Variants in RARB observed in about 807,000 individuals in gnomAD.
The protein encoded by RARB is HBV-activated protein.
In RARB, 17 loss-of-function variants were observed where a neutral mutation model predicts 51.9. That is an observed-to-expected ratio of 0.33 (90% CI 0.22 to 0.49). RARB has a LOEUF of 0.49. RARB is among the 20% of genes least tolerant of loss of function. The pLI is 0.99. For missense variants in RARB, 369 were observed against 550.8 expected, an observed-to-expected ratio of 0.67 and a Z score of 3.30; for synonymous variants, 215 against 195.4, an observed-to-expected ratio of 1.10 and a Z score of -0.84.
chr3:24,986,822 G>A (rs1345372531), intron 2 of RARB, among the ~76,000 whole-genome samples: 1 of 152,040 alleles, frequency 6.6e-6, no homozygotes, highest in Non-Finnish European at 1.5e-5. Context: ...TGATTGCTGT[G>A]CGGTGAACTC....
chr3:25,025,030 T>C (rs567414059), intron 2 of RARB: 2 of 149,454 alleles, frequency 1.3e-5, no homozygotes, highest in South Asian at 2.1e-4. Flanking sequence ...CCCTGAACAC[T>C]CTCAATCTCA....
At chr3:25,518,644 T>C (rs1698277740) in intron 3 of RARB, among the ~76,000 whole-genome samples, 1 of 151,976 alleles carries the variant, frequency 6.6e-6, no homozygotes, top group African/African-American at 2.4e-5. Context: ...AAAACAAGAG[T>C]TGACTCTCCT....
At chr3:24,832,703 A>T (rs75494136) in intron 1 of RARB, among the ~76,000 whole-genome samples, 5,409 of 147,868 alleles carry the variant, frequency 0.037, 189 homozygotes, top group East Asian at 0.12. Flanking sequence ...ATGTGGGAAA[A>T]TAAATGCAAT....
At chr3:24,896,510 C>T (rs1355783434) in intron 2 of RARB, among the ~76,000 whole-genome samples, 3 of 152,210 alleles carry the variant, frequency 2.0e-5, no homozygotes, top group Non-Finnish European at 2.9e-5. Flanking sequence ...CCGCCCGCCT[C>T]GGCCTCCCAA....
chr3:25,487,796 G>A (rs1299408), intron 2 of RARB, among the ~76,000 whole-genome samples: 42,793 of 151,944 alleles, frequency 0.28, 6,186 homozygotes, highest in East Asian at 0.43. Context: ...GTGCTTTCAC[G>A]GGGTCTATTC....
chr3:24,985,248 G>T (rs889114718), intron 2 of RARB, among the ~76,000 whole-genome samples: 1 of 152,102 alleles, frequency 6.6e-6, no homozygotes, highest in Non-Finnish European at 1.5e-5. Context: ...GAAATGGAAT[G>T]GGGCATTGAG....
chr3:25,586,325 G>C (rs1329892854), intron 5 of RARB, among the ~76,000 whole-genome samples: 1 of 152,088 alleles, frequency 6.6e-6, no homozygotes, highest in Non-Finnish European at 1.5e-5. Flanking sequence ...CGTAATGACA[G>C]GTGCATTTCC....
chr3:25,439,265 G>A (rs1424758838), intron 1 of RARB, among the ~76,000 whole-genome samples: 1 of 152,146 alleles, frequency 6.6e-6, no homozygotes, highest in Non-Finnish European at 1.5e-5. Flanking sequence ...ATGTTTATTT[G>A]CTAGGTATTT....
In RARB at chr3:24,942,819, G is replaced by A. The variant is rs573875309; in HGVS notation, c.-380+84067G>A. 2.0e-5 allele frequency among the ~76,000 whole-genome samples: 3 copies of A among 152,166 alleles called. No homozygotes were observed. The South Asian group carries it at 6.2e-4, about 32-fold the overall frequency. ...TCACTTTTTTTCTCTATTAACTTATGGATTCAATATCTGAATTCATAAGAT... is the reference window on the plus strand; with the variant it reads ...TCACTTTTTTTCTCTATTAACTTATAGATTCAATATCTGAATTCATAAGAT... On this transcript the variant is annotated intron_variant, in intron 2 of 11. Coordinates refer to the RARB transcript ENST00000383772.
intron 5 of RARB, among the ~76,000 whole-genome samples, chr3:25,406,042 T>C (rs187591319): frequency 6.6e-6 from 1 of 152,334 alleles, no homozygotes; most frequent in East Asian, 1.9e-4. Context: ...TCCCATCTCC[T>C]AACCATAAGA....
At chr3:25,166,670 A>G (rs549568093) in intron 4 of RARB, among the ~76,000 whole-genome samples, 3 of 152,254 alleles carry the variant, frequency 2.0e-5, no homozygotes, top group African/African-American at 7.2e-5. Context: ...GAGGAAATGG[A>G]TACGTTTTCT....
At chr3:25,281,297 G>T (rs1217455454) in intron 5 of RARB, among the ~76,000 whole-genome samples, 2 of 152,182 alleles carry the variant, frequency 1.3e-5, no homozygotes, top group Non-Finnish European at 2.9e-5. Flanking sequence ...CCTACACCTT[G>T]CTAACTTTGT....
chr3:25,213,848 C>T (rs1428941158), intron 5 of RARB, among the ~76,000 whole-genome samples: 4 of 152,152 alleles, frequency 2.6e-5, no homozygotes, highest in African/African-American at 9.7e-5. Flanking sequence ...AGTCTGGACT[C>T]TTATGATAAG....
chr3:25,510,785 T>A (rs918341430), intron 3 of RARB, among the ~76,000 whole-genome samples: 1 of 152,236 alleles, frequency 6.6e-6, no homozygotes, highest in African/African-American at 2.4e-5. Context: ...ATAAAGATTT[T>A]CCTTTCCAAT....
intron 2 of RARB, among the ~76,000 whole-genome samples, chr3:24,978,323 G>A (rs1054472267): frequency 2.0e-5 from 3 of 152,164 alleles, no homozygotes; most frequent in Non-Finnish European, 2.9e-5. Flanking sequence ...AGTTTCAGAA[G>A]GAATGGTACC....
At chr3:25,584,278 T>A (rs1359694454) in intron 5 of RARB, among the ~76,000 whole-genome samples, 2 of 152,082 alleles carry the variant, frequency 1.3e-5, no homozygotes, top group African/African-American at 4.8e-5. Flanking sequence ...CCAGCCCTCA[T>A]GGAGCCGACC....
chr3:24,953,768 C>A (rs1023178893), intron 2 of RARB, among the ~76,000 whole-genome samples: 11 of 152,058 alleles, frequency 7.2e-5, no homozygotes, highest in African/African-American at 2.7e-4. Flanking sequence ...ATATACGTTC[C>A]CCTACTCTTC....
intron 2 of RARB, among the ~76,000 whole-genome samples, chr3:24,926,196 G>A (rs2125390366): frequency 6.6e-6 from 1 of 152,244 alleles, no homozygotes; most frequent in South Asian, 2.1e-4. Context: ...TAGGATGTTT[G>A]TTAGCAGTAA....
intron 2 of RARB, among the ~76,000 whole-genome samples, chr3:24,882,273 C>A (rs1316618752): frequency 6.6e-6 from 1 of 152,158 alleles, no homozygotes; most frequent in Non-Finnish European, 1.5e-5. Context: ...CCCGTGAATT[C>A]TGGATGTGTT....
Sources: allele counts gnomAD v4.1 joint callset (sites outside exome capture counted in the v4.1 genomes callset), GRCh38; gene constraint gnomAD v4.1.1; transcripts MANE v1.5; gene names NCBI Gene and HGNC (gene_info 2026-07-23, HGNC 2026-07-21).